The following EZH2 variants were observed in gnomAD, a reference collection of about 807,000 sequenced individuals.
EZH2 encodes the protein histone-lysine N-methyltransferase EZH2.
A neutral mutation model predicts 98.4 loss-of-function variants in EZH2; 18 were observed. The ratio of observed to expected loss-of-function variants is 0.18; its 90% CI spans 0.13 to 0.27. The LOEUF (loss-of-function observed/expected upper bound fraction) is 0.27. EZH2 is among the 10% of genes least tolerant of loss of function. The pLI is 1.00. For synonymous variants in EZH2, 338 were observed against 312.3 expected, an observed-to-expected ratio of 1.08 and a Z score of -0.87; for missense variants, 470 against 935.1, an observed-to-expected ratio of 0.50 and a Z score of 6.49.
intron 6 of EZH2, among the ~76,000 whole-genome samples, chr7:148,827,887 G>C (rs1383290506): frequency 6.6e-6 from 1 of 152,202 alleles, no homozygotes; most frequent in Non-Finnish European, 1.5e-5. Flanking sequence ...GGAGGCCGAG[G>C]CAGGTGGATC....
chr7:148,846,627 G>T (rs758115334), intron 2 of EZH2, 29 bp from the exon 3 acceptor site: 16 of 1,598,490 alleles, frequency 1.0e-5, no homozygotes, highest in Non-Finnish European at 1.3e-5. Flanking sequence ...GGAGAGGAAA[G>T]GAGAAATTGT....
chr7:148,839,056 G>GGAAGGAAT, intron 3 of EZH2, among the ~76,000 whole-genome samples: 1 of 122,148 alleles, frequency 8.2e-6, no homozygotes, highest in Non-Finnish European at 1.8e-5. Context: ...TGTCAAATAA[G>GGAAGGAAT]GAAGGAAGGA....
At chr7:148,848,552 G>A (rs1156691155) in intron 1 of EZH2, among the ~76,000 whole-genome samples, 2 of 152,156 alleles carry the variant, frequency 1.3e-5, no homozygotes, top group Non-Finnish European at 2.9e-5. Flanking sequence ...TGAGGCCAAT[G>A]GGTAACTTTC....
intron 1 of EZH2, among the ~76,000 whole-genome samples, chr7:148,861,523 G>T (rs1223583634): frequency 6.6e-6 from 1 of 151,990 alleles, no homozygotes; most frequent in East Asian, 1.9e-4. Flanking sequence ...CACAGCGCCC[G>T]CCCTGTTCTA....
At chr7:148,825,527 T>C (rs1453573866) in intron 8 of EZH2, among the ~76,000 whole-genome samples, 2 of 152,126 alleles carry the variant, frequency 1.3e-5, no homozygotes, top group Admixed American at 1.3e-4. Flanking sequence ...CAAAAACAAG[T>C]AGAGCAAACA....
At chr7:148,810,706 C>T (rs943196609) in intron 16 of EZH2, among the ~76,000 whole-genome samples, 1 of 152,054 alleles carries the variant, frequency 6.6e-6, no homozygotes, top group African/African-American at 2.4e-5. Flanking sequence ...CAGTGGCTCA[C>T]GCCTGTAATC....
At position 148,828,807 on chromosome 7, in the gene EZH2, ATCG is replaced by A; in HGVS notation, c.555_557del (p.Asp189del). 6.2e-7 allele frequency: 1 copy of A among 1,613,834 alleles called. No individual in the cohort carries two copies. The highest frequency in any genetic ancestry group is 1.3e-5 in the African/African-American group (1 of 74,984). On this transcript the variant is annotated inframe_deletion, in exon 6 of 20. Coordinates refer to ENST00000320356, the MANE Select transcript of EZH2 (RefSeq NM_004456.5). Reference sequence around the variant, plus strand: ...CTTCAGGATCGTCTCCATCATCATCATCGTCATCATCATTATATTGACCAAGGG... The same window carrying A: ...CTTCAGGATCGTCTCCATCATCATCATCATCATCATTATATTGACCAAGGG...
intron 13 of EZH2, 118 bp downstream of exon 13, chr7:148,815,388 A>C: frequency 9.1e-7 from 1 of 1,097,674 alleles, no homozygotes. Flanking sequence ...TTGGTTTAAC[A>C]TACAGAAGGC....
chr7:148,807,814 TAAAAAAAAAAAAA>T (rs35866517), intron 19 of EZH2, 108 bp from the exon 20 acceptor site: 1 of 399,452 alleles, frequency 2.5e-6, no homozygotes, highest in Non-Finnish European at 4.4e-6. Context: ...AAAATGTCTT[TAAAAAAAAAAAAA>T]AAAAAAAAAC....
intron 13 of EZH2, 32 bp from the exon 14 acceptor site, chr7:148,815,071 A>C: frequency 6.2e-7 from 1 of 1,607,152 alleles, no homozygotes; most frequent in Non-Finnish European, 8.5e-7. Flanking sequence ...CAGGCCAATG[A>C]ATCCAGGGAG....
At chr7:148,879,590 T>C (rs574960347) in intron 1 of EZH2, among the ~76,000 whole-genome samples, 1 of 151,844 alleles carries the variant, frequency 6.6e-6, no homozygotes, top group Admixed American at 6.5e-5. Flanking sequence ...ACTTGAGAGG[T>C]GAGGCAGGAG....
intron 1 of EZH2, among the ~76,000 whole-genome samples, chr7:148,850,219 C>T (rs865814268): frequency 2.2e-4 from 33 of 152,038 alleles, no homozygotes; most frequent in African/African-American, 7.5e-4. Context: ...AGGGTTTCAC[C>T]GTGTTAGCCA....
At chr7:148,816,837 TATACTC>T (rs955396110) in intron 11 of EZH2, 59 bp from the exon 12 acceptor site, 104 of 1,221,960 alleles carry the variant, frequency 8.5e-5, no homozygotes, top group Non-Finnish European at 1.2e-4. Flanking sequence ...AAACCATTCT[TATACTC>T]ATGCATACCA....
At chr7:148,819,835 T>C in intron 8 of EZH2, 148 bp from the exon 9 acceptor site, 2 of 652,544 alleles carry the variant, frequency 3.1e-6, no homozygotes, top group Non-Finnish European at 2.6e-6. Flanking sequence ...CTTCAGGCTC[T>C]TACTGAATGA....
Position 148,811,711 on chromosome 7 carries a change from G to A in EZH2, c.1861C>T (p.Leu621=). ...CAGCCTGCCACGTCAGATGGTGCCAGCAATAGATGCTAGAGAATAAAACAC... is the reference window on the plus strand; with the variant it reads ...CAGCCTGCCACGTCAGATGGTGCCAACAATAGATGCTAGAGAATAAAACAC... ...IQRGSKKHLL[L]APSDVAGWGI... Residue 621 remains leucine (L), a synonymous_variant, in exon 16 of 20, where the codon CTG becomes TTG. Coordinates refer to ENST00000320356, the MANE Select transcript of EZH2 (RefSeq NM_004456.5). 6.2e-7 allele frequency: 1 copy of A among 1,611,760 alleles called. No individual in the cohort carries two copies. Among genetic ancestry groups the A allele is most frequent in the Middle Eastern group, 1.7e-4 (1 of 6,060 alleles).
intron 1 of EZH2, among the ~76,000 whole-genome samples, chr7:148,866,511 T>TGTATATACGTATATAC (rs1818476593): frequency 3.9e-5 from 4 of 101,530 alleles, no homozygotes; most frequent in African/African-American, 1.6e-4. Flanking sequence ...CGTATATACA[T>TGTATATACGTATATAC]ATATATGTGT....
At chr7:148,827,380 CTCTAT>C in intron 6 of EZH2, 114 bp from the exon 7 acceptor site, 1 of 745,398 alleles carries the variant, frequency 1.3e-6, no homozygotes, top group Non-Finnish European at 2.2e-6. Context: ...AAGAAATCAT[CTCTAT>C]TTTGTGTTTT....
chr7:148,847,387 A>G, intron 1 of EZH2, 82 bp from the exon 2 acceptor site: 1 of 1,533,580 alleles, frequency 6.5e-7, no homozygotes, highest in Non-Finnish European at 8.9e-7. Context: ...GCAGCAAACT[A>G]ACAATCAGTG....
intron 1 of EZH2, among the ~76,000 whole-genome samples, chr7:148,851,878 GTAAAA>G (rs1815875985): frequency 6.6e-6 from 1 of 152,060 alleles, no homozygotes; most frequent in Admixed American, 6.6e-5. Flanking sequence ...CTCAAAAAAA[GTAAAA>G]TAATAAAATA....
Sources: gnomAD v4.1 joint callset for allele counts (sites outside exome capture counted in the v4.1 genomes callset) on GRCh38, gnomAD v4.1.1 for gene constraint, MANE v1.5 for transcripts, NCBI Gene and HGNC (gene_info 2026-07-23, HGNC 2026-07-21) for gene names.